The following PAK2 variants were observed in gnomAD, a reference collection of about 807,000 sequenced individuals.
PAK2 encodes the protein serine/threonine-protein kinase PAK 2.
In PAK2, 21 loss-of-function variants were observed where a neutral mutation model predicts 65.9. The ratio of observed to expected loss-of-function variants is 0.32; its 90% CI spans 0.23 to 0.46. The LOEUF (loss-of-function observed/expected upper bound fraction) is 0.46. PAK2 is among the 20% of genes least tolerant of loss of function. The pLI is 1.00. For missense variants in PAK2, 324 were observed against 642.6 expected (o/e 0.50, Z 5.36); for synonymous variants, 204 against 219.7 (o/e 0.93, Z 0.63).
chr3:196,814,647 G>A, intron 11 of PAK2, 79 bp downstream of exon 11: 1 of 722,332 alleles, frequency 1.4e-6, no homozygotes. Flanking sequence ...TTTCTGCACA[G>A]GTAATTGTTA....
intron 1 of PAK2, among the ~76,000 whole-genome samples, chr3:196,774,816 C>A (rs1385559233): frequency 6.6e-6 from 1 of 152,194 alleles, no homozygotes; most frequent in Non-Finnish European, 1.5e-5. Flanking sequence ...CCAATTCTGA[C>A]TTCTTTCTCC....
chr3:196,778,987 C>CTTGG (rs200496043), intron 1 of PAK2, among the ~76,000 whole-genome samples: 2,312 of 152,278 alleles, frequency 0.015, 103 homozygotes, highest in Admixed American at 0.097. Context: ...ACTGTGGTCA[C>CTTGG]TTGGTTAATA....
At chr3:196,796,842 G>A (rs1464704960) in intron 2 of PAK2, among the ~76,000 whole-genome samples, 3 of 152,148 alleles carry the variant, frequency 2.0e-5, no homozygotes, top group Non-Finnish European at 4.4e-5. Context: ...TGATAATAAG[G>A]AAGGTTGTTA....
chr3:196,810,859 CATT>C (rs1490394900), intron 8 of PAK2, among the ~76,000 whole-genome samples: 40 of 151,944 alleles, frequency 2.6e-4, no homozygotes, highest in African/African-American at 9.7e-4. Context: ...GACTGTGTAT[CATT>C]ATTTTTTCTT....
chr3:196,819,028 C>T (rs73076610), intron 12 of PAK2, among the ~76,000 whole-genome samples: 13,941 of 151,970 alleles, frequency 0.092, 1,144 homozygotes, highest in African/African-American at 0.22. Context: ...ACTTACATAC[C>T]GCAGTAAGTA....
At chr3:196,802,718 C>T (rs1301821986) in intron 3 of PAK2, among the ~76,000 whole-genome samples, 4 of 151,986 alleles carry the variant, frequency 2.6e-5, no homozygotes, top group African/African-American at 9.7e-5. Flanking sequence ...GTGGCGGGCA[C>T]CTGTAGTCCC....
At chr3:196,758,295 G>A (rs1713833172) in intron 1 of PAK2, among the ~76,000 whole-genome samples, 7 of 152,250 alleles carry the variant, frequency 4.6e-5, no homozygotes, top group Admixed American at 4.6e-4. Context: ...CAGTGAAGAG[G>A]TATCAGAGGT....
Position 196,814,458 on chromosome 3 carries a change from G to T in PAK2, c.943G>T (p.Val315Leu), listed in dbSNP as rs769558175. ...NIVNFLDSYL[V>L]GDELFVVMEY... The stretch of plus-strand genomic sequence containing the variant: ...GGTATGTTGTATTTTTAGTTACCTG[G>T]TAGGAGATGAATTGTTTGTGGTCAT... Residue 315 changes from valine (V) to leucine (L), a missense_variant, in exon 11 of 15, where the codon GTA becomes TTA. Physicochemically the swap from Val to Leu is conservative, Grantham distance 32. Coordinates refer to ENST00000327134, the MANE Select transcript of PAK2 (RefSeq NM_002577.4). The T allele has an allele frequency of 3.9e-6, 5 of 1,298,370 alleles. No homozygotes were observed. In the Admixed American group the frequency reaches 7.7e-5, roughly 20 times the overall value. The allele number at this position is 1,298,370 out of a possible 1,614,324, so 80.4% of individuals were successfully genotyped here. A position where few individuals can be genotyped will look rare whatever the true frequency, so the allele number is the denominator to read the frequency against.
At chr3:196,815,769 G>A (rs139762978) in intron 11 of PAK2, among the ~76,000 whole-genome samples, 1 of 151,262 alleles carries the variant, frequency 6.6e-6, no homozygotes, top group East Asian at 1.9e-4. Flanking sequence ...CCTGGCGACA[G>A]AGCAAGACTC....
chr3:196,808,348 G>A (rs551781689), intron 7 of PAK2, among the ~76,000 whole-genome samples: 1 of 150,188 alleles, frequency 6.7e-6, no homozygotes, highest in East Asian at 2.0e-4. Context: ...GGATCACAAG[G>A]TCAGGAGATC....
At chr3:196,752,212 T>C (rs771287748) in intron 1 of PAK2, among the ~76,000 whole-genome samples, 94 of 152,360 alleles carry the variant, frequency 6.2e-4, no homozygotes, top group Non-Finnish European at 1.1e-3. Flanking sequence ...GGGTGAGTAA[T>C]ACTCCATTCT....
intron 2 of PAK2, among the ~76,000 whole-genome samples, chr3:196,784,205 G>A (rs1222631857): frequency 1.5e-5 from 2 of 133,858 alleles, no homozygotes; most frequent in Non-Finnish European, 3.3e-5. Context: ...TTTTGGTTTT[G>A]TTTTTAATTT....
intron 1 of PAK2, among the ~76,000 whole-genome samples, chr3:196,755,616 G>A (rs1352217843): frequency 2.0e-5 from 3 of 151,988 alleles, no homozygotes; most frequent in East Asian, 1.9e-4. Context: ...GTGCCACCAC[G>A]CCTGGCTAAT....
At chr3:196,815,093 T>C (rs1715960238) in intron 11 of PAK2, among the ~76,000 whole-genome samples, 1 of 151,772 alleles carries the variant, frequency 6.6e-6, no homozygotes, top group Non-Finnish European at 1.5e-5. Context: ...AGCAGGAGAA[T>C]GGCGTGAACC....
intron 7 of PAK2, among the ~76,000 whole-genome samples, chr3:196,809,866 G>C (rs1219150757): frequency 6.6e-6 from 1 of 151,946 alleles, no homozygotes; most frequent in Non-Finnish European, 1.5e-5. Context: ...CCTTGAGCAA[G>C]TGAAAGTTTA....
rs200379218 is a variant in PAK2 at position 196,812,295 on chromosome 3, T to G, written c.822+28T>G. 1,028 of 1,391,600 alleles carry G rather than the reference T, an allele frequency of 7.4e-4. 4 individuals carry two copies. The highest frequency in any genetic ancestry group is 1.1e-3 in the South Asian group (92 of 86,494). The allele number at this position is 1,391,600 out of a possible 1,614,324, so 86.2% of individuals were successfully genotyped here. ...AGTTACTTTGTTGTAATCCTGGGTG[T>G]TACCATTATTTTGTCATATAGGTGG... On this transcript the variant is annotated intron_variant, in intron 9 of 14. Coordinates refer to ENST00000327134, the MANE Select transcript of PAK2 (RefSeq NM_002577.4).
chr3:196,745,248 G>C (rs1713335948), intron 1 of PAK2, among the ~76,000 whole-genome samples: 1 of 149,282 alleles, frequency 6.7e-6, no homozygotes, highest in South Asian at 2.1e-4. Context: ...CCGAGTAGCT[G>C]GGATTACAGG....
intron 2 of PAK2, among the ~76,000 whole-genome samples, chr3:196,796,336 G>T (rs1479141967): frequency 6.6e-6 from 1 of 152,210 alleles, no homozygotes; most frequent in Non-Finnish European, 1.5e-5. Context: ...GCAAAAGACT[G>T]CATATTGTTT....
At chr3:196,824,655 A>G (rs895098668) in intron 13 of PAK2, among the ~76,000 whole-genome samples, 8 of 152,122 alleles carry the variant, frequency 5.3e-5, no homozygotes, top group Non-Finnish European at 1.2e-4. Context: ...TGATATTATA[A>G]TGGCGGACAC....
Sources: gnomAD v4.1 joint callset for allele counts (sites outside exome capture counted in the v4.1 genomes callset) on GRCh38, gnomAD v4.1.1 for gene constraint, MANE v1.5 for transcripts, NCBI Gene and HGNC (gene_info 2026-07-23, HGNC 2026-07-21) for gene names.